PDXDC1: variants seen among roughly 807,000 people sequenced by gnomAD.
The protein encoded by PDXDC1 is pyridoxal-dependent decarboxylase domain-containing protein 1.
A neutral mutation model predicts 100.1 loss-of-function variants in PDXDC1; 42 were observed. The observed-to-expected ratio is 0.42, with a 90% confidence interval of 0.33 to 0.54. The LOEUF (loss-of-function observed/expected upper bound fraction) is 0.54. Among genes scored for constraint, PDXDC1 ranks in the 20% least tolerant of loss-of-function variants. The pLI, the probability that PDXDC1 is intolerant of heterozygous loss-of-function variation, is 0.10. For missense variants in PDXDC1, 636 were observed against 979.2 expected (o/e 0.65, Z 4.68); for synonymous variants, 260 against 371.7 (o/e 0.70, Z 3.46).
intron 16 of PDXDC1, among the ~76,000 whole-genome samples, chr16:15,124,396 A>T (rs932148652): frequency 1.3e-5 from 2 of 152,214 alleles, no homozygotes; most frequent in African/African-American, 4.8e-5. Context: ...TATTGTAAAC[A>T]GGAAATATTC....
chr16:14,990,089 G>A (rs1230299270), intron 1 of PDXDC1: 4 of 1,490,484 alleles, frequency 2.7e-6, no homozygotes, highest in South Asian at 1.2e-5. Context: ...GGCCAAGCAG[G>A]CAGAGGAGGC....
downstream of PDXDC1, chr16:15,041,756 G>C: frequency 7.8e-6 from 8 of 1,021,102 alleles, 1 homozygote; most frequent in South Asian, 8.9e-5. Context: ...GCCAACGACA[G>C]GGAGGGACGG....
At position 15,032,653 on chromosome 16, in the gene PDXDC1, TAAA is replaced by T. The variant is rs377361206; in HGVS notation, c.1572-194_1572-192del. ...TGGGCCACCAAGTGAGACCCTGCTTTAAAAAAAAAAAAAAAAGGCTTTCCTGTG... is the reference window on the plus strand; with the variant it reads ...TGGGCCACCAAGTGAGACCCTGCTTTAAAAAAAAAAAAAGGCTTTCCTGTG... On this transcript the variant is annotated intron_variant, in intron 17 of 22. Transcript: ENST00000396410. The T allele has an allele frequency of 6.0e-3, 1,291 of 215,120 alleles. 2 individuals are homozygous for T. Among genetic ancestry groups the T allele is most frequent in the East Asian group, 0.018 (137 of 7,476 alleles). The allele number at this position is 215,120 out of a possible 1,614,324, so 13.3% of individuals were successfully genotyped here. A position where few individuals can be genotyped will look rare whatever the true frequency, so the allele number is the denominator to read the frequency against.
chr16:14,990,746 T>A (rs2151264336), intron 1 of PDXDC1, among the ~76,000 whole-genome samples: 1 of 152,410 alleles, frequency 6.6e-6, no homozygotes, highest in Admixed American at 6.5e-5. Context: ...TTTATTTATT[T>A]TTATTTAATT....
At position 15,131,070 on chromosome 16, in the gene PDXDC1, T is replaced by A. The variant is rs939664752; in HGVS notation, c.1400-7809T>A. On this transcript the variant is annotated intron_variant, in intron 16 of 16. Transcript: ENST00000535621. ...ACAAGGCCAGGGGGCCGCGTGTGCC[T>A]CACCCGCTGCACGCACCGTCCAGCA... 6 of 1,600,418 alleles carry A rather than the reference T, an allele frequency of 3.7e-6. No individual in the cohort carries two copies. In the Admixed American group the frequency reaches 6.8e-5, roughly 18 times the overall value.
chr16:15,080,336 T>C (rs571348480), intron 16 of PDXDC1, among the ~76,000 whole-genome samples: 7 of 152,368 alleles, frequency 4.6e-5, no homozygotes, highest in South Asian at 2.1e-4. Flanking sequence ...AGTAGCTGTA[T>C]TGATAAAACT....
At chr16:15,015,464 C>T (rs1235178691) in intron 8 of PDXDC1, among the ~76,000 whole-genome samples, 1 of 152,108 alleles carries the variant, frequency 6.6e-6, no homozygotes. Flanking sequence ...TGCTTATAAT[C>T]CCAGCACTTT....
intron 16 of PDXDC1, among the ~76,000 whole-genome samples, chr16:15,075,958 A>G (rs1433731060): frequency 6.6e-6 from 1 of 152,224 alleles, no homozygotes; most frequent in African/African-American, 2.4e-5. Context: ...CCTTAGAACC[A>G]ATGACTGATT....
downstream of PDXDC1, among the ~76,000 whole-genome samples, chr16:15,039,590 G>A (rs192681442): frequency 3.9e-4 from 60 of 152,170 alleles, no homozygotes; most frequent in East Asian, 7.7e-4. Context: ...TCAGTGACCC[G>A]GTCCAAAAGA....
intron 16 of PDXDC1, among the ~76,000 whole-genome samples, chr16:15,098,630 G>C (rs1475585562): frequency 1.6e-4 from 25 of 152,180 alleles, no homozygotes; most frequent in Middle Eastern, 6.8e-3. Flanking sequence ...TGTAATCCCA[G>C]CACTTTTGGA....
At chr16:15,001,454 C>T (rs1351567366) in intron 3 of PDXDC1, among the ~76,000 whole-genome samples, 17 of 152,264 alleles carry the variant, frequency 1.1e-4, no homozygotes, top group Non-Finnish European at 2.5e-4. Flanking sequence ...ATGCCACTTC[C>T]CTCCAGCTTG....
Position 15,083,445 on chromosome 16 carries a change from T to C in PDXDC1, c.1399+53389T>C, listed in dbSNP as rs534210719. On this transcript the variant is annotated intron_variant, in intron 16 of 16. Transcript: ENST00000535621. ...AGACTGGAAAAGAAAGAAAAAGACC[T>C]AATATCATCTAAAATGAAATCGTAC... 79 of 1,596,114 alleles carry C rather than the reference T, an allele frequency of 4.9e-5. No individual in the cohort carries two copies. In the East Asian group the frequency reaches 1.3e-3, roughly 26 times the overall value.
chr16:15,140,270 C>A (rs1400174927), downstream of PDXDC1, among the ~76,000 whole-genome samples: 1 of 150,844 alleles, frequency 6.6e-6, no homozygotes, highest in African/African-American at 2.4e-5. Context: ...CACGGAGACA[C>A]CCTGTCTCTA....
chr16:15,057,090 C>A (rs2044553542), intron 16 of PDXDC1, among the ~76,000 whole-genome samples: 2 of 152,148 alleles, frequency 1.3e-5, no homozygotes, highest in African/African-American at 4.8e-5. Context: ...TACAGAGGAG[C>A]CACATGATAC....
intron 8 of PDXDC1, chr16:15,015,835 G>C (rs2041753426): frequency 1.8e-6 from 1 of 554,980 alleles, no homozygotes; most frequent in African/African-American, 1.9e-5. Flanking sequence ...ATCTTGGTGG[G>C]AGATTTGAAT....
At chr16:15,122,364 C>G (rs2047465528) in intron 16 of PDXDC1, among the ~76,000 whole-genome samples, 3 of 146,410 alleles carry the variant, frequency 2.0e-5, no homozygotes. Context: ...GTACGCACCA[C>G]CAGGCCCGAC....
chr16:15,042,198 T>C (rs967587514), downstream of PDXDC1, among the ~76,000 whole-genome samples: 10 of 150,726 alleles, frequency 6.6e-5, no homozygotes, highest in East Asian at 1.5e-3. Context: ...TTTTTTTTTT[T>C]TTTTTGAGAT....
chr16:15,016,335 C>T, intron 9 of PDXDC1, 122 bp downstream of exon 9: 2 of 1,503,052 alleles, frequency 1.3e-6, no homozygotes, highest in Non-Finnish European at 1.8e-6. Context: ...TCACAGATCA[C>T]AAAATAACCC....
At chr16:15,039,889 T>C, downstream of PDXDC1, 2 of 797,132 alleles carry the variant, frequency 2.5e-6, no homozygotes, top group East Asian at 4.9e-5. Context: ...TAAACTTTTC[T>C]AAGATCCCAA....
Sources: allele counts gnomAD v4.1 joint callset (sites outside exome capture counted in the v4.1 genomes callset), GRCh38; gene constraint gnomAD v4.1.1; transcripts MANE v1.5; gene names NCBI Gene and HGNC (gene_info 2026-07-23, HGNC 2026-07-21).